Variants in RRAGD observed in about 807,000 individuals in gnomAD.
RRAGD encodes ras-related GTP-binding protein D.
A neutral mutation model predicts 35.5 loss-of-function variants in RRAGD; 12 were observed. The observed-to-expected ratio is 0.34, with a 90% CI of 0.22 to 0.55. The LOEUF (loss-of-function observed/expected upper bound fraction) is 0.55. Ranked by LOEUF, RRAGD falls within the 20% of genes least tolerant of loss-of-function variation. RRAGD has a pLI of 0.91. For missense variants in RRAGD, 324 were observed against 490.1 expected (o/e 0.66, Z 3.20); for synonymous variants, 155 against 178.9 (o/e 0.87, Z 1.07).
At chr6:89,369,131 G>C (rs894649011) in intron 6 of RRAGD, among the ~76,000 whole-genome samples, 1 of 152,114 alleles carries the variant, frequency 6.6e-6, no homozygotes, top group Non-Finnish European at 1.5e-5. Context: ...AGGGGAGGGC[G>C]GGGAGGGCAC....
At chr6:89,372,706 AG>A (rs1768874545) in intron 5 of RRAGD, 121 bp from the exon 6 acceptor site, 1 of 916,642 alleles carries the variant, frequency 1.1e-6, no homozygotes. Flanking sequence ...TTACACTTGC[AG>A]TGCCTTTCAG....
intron 1 of RRAGD, among the ~76,000 whole-genome samples, chr6:89,396,492 C>T (rs1769333717): frequency 6.6e-6 from 1 of 151,586 alleles, no homozygotes; most frequent in African/African-American, 2.4e-5. Flanking sequence ...GTGGCGCAAT[C>T]AGAGCTCACT....
chr6:89,402,950 G>A (rs765861636), intron 1 of RRAGD, among the ~76,000 whole-genome samples: 1 of 152,096 alleles, frequency 6.6e-6, no homozygotes, highest in African/African-American at 2.4e-5. Context: ...ATCTCTCAAG[G>A]TGGTAACACT....
chr6:89,402,122 A>ATC (rs1769482346), intron 1 of RRAGD, among the ~76,000 whole-genome samples: 1 of 138,962 alleles, frequency 7.2e-6, no homozygotes, highest in Non-Finnish European at 1.5e-5. Flanking sequence ...ATCTCAGCTC[A>ATC]CTGCAACCTC....
chr6:89,386,017 T>C (rs1769131703), intron 2 of RRAGD, among the ~76,000 whole-genome samples: 1 of 152,124 alleles, frequency 6.6e-6, no homozygotes, highest in Admixed American at 6.5e-5. Flanking sequence ...AAGGGCCAGG[T>C]GTGCTTAGCG....
intron 1 of RRAGD, among the ~76,000 whole-genome samples, chr6:89,403,171 G>A (rs1225017799): frequency 6.6e-6 from 1 of 152,236 alleles, no homozygotes; most frequent in African/African-American, 2.4e-5. Context: ...GCCGGGCGCG[G>A]TGGCTCACGC....
intron 1 of RRAGD, among the ~76,000 whole-genome samples, chr6:89,410,570 A>G (rs1403098260): frequency 6.6e-6 from 1 of 152,236 alleles, no homozygotes; most frequent in Non-Finnish European, 1.5e-5. Context: ...AAAGGTGCAC[A>G]CATCAGTTTA....
intron 2 of RRAGD, among the ~76,000 whole-genome samples, chr6:89,384,538 C>T (rs1034397070): frequency 6.6e-6 from 1 of 152,088 alleles, no homozygotes; most frequent in African/African-American, 2.4e-5. Context: ...AACTTTAGGC[C>T]AGGCGTGGTG....
At chr6:89,395,502 C>T (rs1769316140) in intron 1 of RRAGD, among the ~76,000 whole-genome samples, 1 of 152,192 alleles carries the variant, frequency 6.6e-6, no homozygotes, top group African/African-American at 2.4e-5. Flanking sequence ...AGACAACTGA[C>T]ATGCTGTTTT....
In RRAGD at chr6:89,411,729, A is replaced by T; in HGVS notation, c.148+117T>A. ...CTCCCCACCCCAAACCCTCAACTGG[A>T]CCCGCTCCCCTGGACCCCCTCCAAG... On this transcript the variant is annotated intron_variant, in intron 1 of 6. Transcript: ENST00000369415. The surrounding 1 kb of genome is among the most constrained non-coding windows in gnomAD (Gnocchi z 5.6). The T allele has an allele frequency of 2.6e-6, 3 of 1,133,104 alleles. No homozygotes were observed. The highest frequency in any genetic ancestry group is 3.7e-6 in the Non-Finnish European group (3 of 819,494). 70.2% of individuals were successfully genotyped at this position (1,133,104 alleles called of 1,614,324 possible).
At chr6:89,390,958 CA>C (rs1430983618) in intron 1 of RRAGD, among the ~76,000 whole-genome samples, 2 of 151,502 alleles carry the variant, frequency 1.3e-5, no homozygotes, top group Admixed American at 1.3e-4. Context: ...CCAAATATAC[CA>C]AAAAAAATTG....
intron 1 of RRAGD, among the ~76,000 whole-genome samples, chr6:89,403,295 A>G (rs540725931): frequency 2.0e-5 from 3 of 152,096 alleles, no homozygotes; most frequent in Admixed American, 6.6e-5. Flanking sequence ...AATACAAAAA[A>G]TTAGCTGGGC....
At chr6:89,390,721 A>T (rs1769217702) in intron 1 of RRAGD, among the ~76,000 whole-genome samples, 1 of 152,146 alleles carries the variant, frequency 6.6e-6, no homozygotes. Context: ...AACATGGTGA[A>T]ACCCCATCTC....
chr6:89,385,726 C>G (rs1161246066), intron 2 of RRAGD, among the ~76,000 whole-genome samples: 1 of 152,108 alleles, frequency 6.6e-6, no homozygotes, highest in African/African-American at 2.4e-5. Context: ...TGAAGTCTCC[C>G]TCCTCCACAC....
At chr6:89,380,474 T>C (rs939310365) in intron 2 of RRAGD, 107 bp from the exon 3 acceptor site, 1 of 886,552 alleles carries the variant, frequency 1.1e-6, no homozygotes, top group Admixed American at 2.7e-5. Flanking sequence ...CGAAATACGT[T>C]GCAAAGGTTC....
At chr6:89,376,362 G>A (rs894490983) in intron 5 of RRAGD, among the ~76,000 whole-genome samples, 30 of 151,578 alleles carry the variant, frequency 2.0e-4, no homozygotes, top group East Asian at 3.9e-4. Flanking sequence ...GAGAGAATCC[G>A]AGCTGAGTGG....
chr6:89,381,273 A>G (rs902239384), intron 2 of RRAGD, among the ~76,000 whole-genome samples: 2 of 152,196 alleles, frequency 1.3e-5, no homozygotes, highest in Non-Finnish European at 2.9e-5. Context: ...CTCCTCAGAG[A>G]CAGTACAGTC....
intron 5 of RRAGD, among the ~76,000 whole-genome samples, chr6:89,376,602 C>A (rs1179025900): frequency 6.6e-6 from 1 of 152,176 alleles, no homozygotes; most frequent in African/African-American, 2.4e-5. Flanking sequence ...AGTCTGTACA[C>A]CACCTGTTCA....
In RRAGD at chr6:89,411,718, C is replaced by G; in HGVS notation, c.148+128G>C. On this transcript the variant is annotated intron_variant, in intron 1 of 6. Coordinates refer to ENST00000369415, the MANE Select transcript of RRAGD (RefSeq NM_021244.5). This position sits in a 1 kb window ranked among gnomAD's most constrained non-coding sequence, Gnocchi z 5.6. ...TTTTGGCGTCCCTCCCCACCCCAAA[C>G]CCTCAACTGGACCCGCTCCCCTGGA... 2 of 1,041,638 alleles carry G rather than the reference C, an allele frequency of 1.9e-6. No homozygotes were observed. The highest frequency in any genetic ancestry group is 2.7e-6 in the Non-Finnish European group (2 of 740,130). 64.5% of individuals were successfully genotyped at this position (1,041,638 alleles called of 1,614,324 possible).
Sources: allele counts gnomAD v4.1 joint callset (sites outside exome capture counted in the v4.1 genomes callset), GRCh38; gene constraint gnomAD v4.1.1; non-coding constraint Gnocchi (gnomAD v3.1); transcripts MANE v1.5; gene names NCBI Gene and HGNC (gene_info 2026-07-23, HGNC 2026-07-21).